AGBL4: variants seen among roughly 807,000 people sequenced by gnomAD.
AGBL4 encodes AGBL carboxypeptidase 4, also known as cytosolic carboxypeptidase 6.
In AGBL4, 58 loss-of-function variants were observed where a neutral mutation model predicts 66.4. That is an observed-to-expected ratio of 0.87 (90% CI 0.71 to 1.09). The LOEUF (loss-of-function observed/expected upper bound fraction) is 1.09. Among genes scored for constraint, AGBL4 ranks in the 50% least tolerant of loss-of-function variants. The pLI is 0.00. For synonymous variants in AGBL4, 234 were observed against 222.9 expected (o/e 1.05, Z -0.44); for missense variants, 579 against 631.0 (o/e 0.92, Z 0.88).
intron 11 of AGBL4, among the ~76,000 whole-genome samples, chr1:48,576,164 T>C (rs1442522603): frequency 2.0e-5 from 3 of 152,212 alleles, no homozygotes; most frequent in Non-Finnish European, 4.4e-5. Context: ...TGGATCATTA[T>C]GACCTGAGCT....
intron 1 of AGBL4, among the ~76,000 whole-genome samples, chr1:50,004,862 CCTT>C (rs1454205334): frequency 6.6e-6 from 1 of 151,922 alleles, no homozygotes; most frequent in Non-Finnish European, 1.5e-5. Context: ...GGGAGGGACT[CCTT>C]CTACTTGAGA....
At chr1:49,568,524 A>ACAC (rs750607745) in intron 3 of AGBL4, among the ~76,000 whole-genome samples, 58 of 49,930 alleles carry the variant, frequency 1.2e-3, no homozygotes, top group Middle Eastern at 0.017. Context: ...CACACACACA[A>ACAC]ATGCCATGCT....
At chr1:49,569,168 T>C (rs1334872263) in intron 3 of AGBL4, among the ~76,000 whole-genome samples, 1 of 151,966 alleles carries the variant, frequency 6.6e-6, no homozygotes, top group African/African-American at 2.4e-5. Flanking sequence ...TTGAGGGATA[T>C]AAAAATCAAG....
chr1:48,783,228 G>A (rs959636580), intron 6 of AGBL4, among the ~76,000 whole-genome samples: 2 of 152,148 alleles, frequency 1.3e-5, no homozygotes, highest in African/African-American at 2.4e-5. Flanking sequence ...GAGCTACTGG[G>A]AGGCCTGTAG....
At position 49,793,811 on chromosome 1, in the gene AGBL4, G is replaced by T. The variant is rs1431248135; in HGVS notation, c.157+57585C>A. Among the ~76,000 whole-genome samples the T allele has an allele frequency of 1.5e-4, 23 of 151,848 alleles. 1 individual carries two copies. The highest frequency in any genetic ancestry group is 1.5e-3 in the Admixed American group (23 of 15,232). ...AAAGAGACTAGAACTGTGATCTGAGGAAATCTAACTCTTAGGATTTTATTA... is the reference window on the plus strand; with the variant it reads ...AAAGAGACTAGAACTGTGATCTGAGTAAATCTAACTCTTAGGATTTTATTA... On this transcript the variant is annotated intron_variant, in intron 2 of 13. Transcript: ENST00000371839.
At chr1:49,317,574 C>T (rs1247565135) in intron 3 of AGBL4, among the ~76,000 whole-genome samples, 1 of 151,700 alleles carries the variant, frequency 6.6e-6, no homozygotes, top group Non-Finnish European at 1.5e-5. Flanking sequence ...TTAGAGATCC[C>T]CATAATTATA....
At chr1:48,959,659 CT>C (rs1290098257) in intron 5 of AGBL4, among the ~76,000 whole-genome samples, 3 of 152,126 alleles carry the variant, frequency 2.0e-5, no homozygotes, top group African/African-American at 7.2e-5. Flanking sequence ...GAGAAGGAAT[CT>C]TTGAGCAGAG....
At chr1:49,344,998 G>C (rs1380066573) in intron 3 of AGBL4, among the ~76,000 whole-genome samples, 1 of 152,130 alleles carries the variant, frequency 6.6e-6, no homozygotes, top group East Asian at 1.9e-4. Flanking sequence ...TGAAGCCTTT[G>C]ATATTTGACA....
At chr1:49,878,918 C>G (rs1242395443) in intron 1 of AGBL4, among the ~76,000 whole-genome samples, 1 of 103,834 alleles carries the variant, frequency 9.6e-6, no homozygotes, top group Non-Finnish European at 1.9e-5. Flanking sequence ...TATGTAATGG[C>G]CTTCTTTGTC....
intron 5 of AGBL4, among the ~76,000 whole-genome samples, chr1:49,033,176 C>A (rs555328911): frequency 7.2e-5 from 11 of 152,132 alleles, no homozygotes; most frequent in Non-Finnish European, 1.3e-4. Context: ...AAGGCAGTAA[C>A]AAAAATTATG....
chr1:48,928,279 C>T (rs562596974), intron 5 of AGBL4, among the ~76,000 whole-genome samples: 50 of 152,244 alleles, frequency 3.3e-4, no homozygotes, highest in Non-Finnish European at 4.7e-4. Context: ...TTAGTACATC[C>T]GCACTTACAG....
intron 5 of AGBL4, among the ~76,000 whole-genome samples, chr1:48,867,465 TC>T (rs869308296): frequency 1.2e-4 from 16 of 132,704 alleles, no homozygotes; most frequent in South Asian, 2.8e-4. Context: ...TAGAGGTCTC[TC>T]AGACAAATTA....
chr1:49,377,185 TG>T (rs1644488671), intron 3 of AGBL4, among the ~76,000 whole-genome samples: 3 of 152,012 alleles, frequency 2.0e-5, no homozygotes, highest in Non-Finnish European at 4.4e-5. Flanking sequence ...TTGAAGGAGA[TG>T]GGGGCTAAAA....
At chr1:49,106,334 C>T (rs943014955) in intron 4 of AGBL4, among the ~76,000 whole-genome samples, 2 of 152,186 alleles carry the variant, frequency 1.3e-5, no homozygotes, top group African/African-American at 2.4e-5. Flanking sequence ...TTCAATAATA[C>T]ACATTTTTAT....
chr1:49,866,686 C>T (rs1217363296), intron 1 of AGBL4, among the ~76,000 whole-genome samples: 1 of 152,108 alleles, frequency 6.6e-6, no homozygotes, highest in East Asian at 1.9e-4. Context: ...ATCATTTGAA[C>T]CCTGAAGGTG....
At chr1:49,573,593 C>G (rs1035160251) in intron 3 of AGBL4, among the ~76,000 whole-genome samples, 15 of 152,156 alleles carry the variant, frequency 9.9e-5, no homozygotes, top group African/African-American at 3.1e-4. Flanking sequence ...GATTCTGTCT[C>G]CCAGCTTCAG....
At chr1:48,888,697 T>A (rs1650614560) in intron 5 of AGBL4, among the ~76,000 whole-genome samples, 1 of 152,178 alleles carries the variant, frequency 6.6e-6, no homozygotes, top group Non-Finnish European at 1.5e-5. Flanking sequence ...AATACCAGGG[T>A]CAGTTAGTTC....
At chr1:49,622,611 A>T (rs972308603) in intron 3 of AGBL4, among the ~76,000 whole-genome samples, 147 of 134,956 alleles carry the variant, frequency 1.1e-3, no homozygotes, top group Admixed American at 2.6e-3. Context: ...CCTGGGCGAC[A>T]GAGCGAGACT....
intron 1 of AGBL4, among the ~76,000 whole-genome samples, chr1:49,893,407 A>T (rs1243315941): frequency 2.6e-5 from 4 of 152,170 alleles, no homozygotes; most frequent in Admixed American, 2.0e-4. Flanking sequence ...AGTAAACCAC[A>T]AAGTAGGCTC....
Sources: allele counts gnomAD v4.1 joint callset (sites outside exome capture counted in the v4.1 genomes callset), GRCh38; gene constraint gnomAD v4.1.1; transcripts MANE v1.5; gene names NCBI Gene and HGNC (gene_info 2026-07-23, HGNC 2026-07-21).